Variants in SSH2 observed in about 807,000 individuals in gnomAD.
SSH2 encodes the protein protein phosphatase Slingshot homolog 2.
Under a neutral mutation model 135.2 loss-of-function variants are expected in SSH2, and 37 were observed. The observed-to-expected ratio is 0.27, with a 90% CI of 0.21 to 0.36. The LOEUF is 0.36. SSH2 is among the 10% of genes least tolerant of loss of function. The probability of loss-of-function intolerance (pLI) is 1.00; values close to 1 mark genes in which losing one functional copy is unlikely to be tolerated. For missense variants in SSH2, 1,408 were observed against 1,765.3 expected (o/e 0.80, Z 3.63); for synonymous variants, 628 against 646.2 (o/e 0.97, Z 0.43).
intron 1 of SSH2, among the ~76,000 whole-genome samples, chr17:29,874,583 T>A (rs2065996739): frequency 6.6e-6 from 1 of 152,158 alleles, no homozygotes; most frequent in Non-Finnish European, 1.5e-5. Flanking sequence ...TTCTCCTTCC[T>A]GTCATCTTGT....
chr17:29,696,676 T>G (rs1487905051), intron 4 of SSH2, among the ~76,000 whole-genome samples: 2 of 146,910 alleles, frequency 1.4e-5, no homozygotes, highest in African/African-American at 2.5e-5. Context: ...TACGTACGTG[T>G]GTGTGTGTGT....
intron 3 of SSH2, among the ~76,000 whole-genome samples, chr17:29,737,629 A>T (rs1167608934): frequency 3.9e-5 from 6 of 152,222 alleles, no homozygotes; most frequent in African/African-American, 7.2e-5. Context: ...AAGTCATTTA[A>T]TCTCTTTGAA....
chr17:29,710,488 T>C (rs112143677), intron 3 of SSH2, among the ~76,000 whole-genome samples: 2 of 152,370 alleles, frequency 1.3e-5, no homozygotes, highest in African/African-American at 4.8e-5. Flanking sequence ...AATACTCATC[T>C]AGCAAAAACT....
intron 3 of SSH2, chr17:29,761,147 C>A: frequency 7.8e-7 from 1 of 1,288,992 alleles, no homozygotes; most frequent in Non-Finnish European, 1.0e-6. Flanking sequence ...GCGGCGGACT[C>A]ACAGCTGGTT....
chr17:29,642,258 A>T (rs147949218), intron 14 of SSH2, among the ~76,000 whole-genome samples: 2 of 152,122 alleles, frequency 1.3e-5, no homozygotes, highest in Non-Finnish European at 2.9e-5. Context: ...CAGCAAAGCC[A>T]GGGTAAAAGA....
intron 1 of SSH2, among the ~76,000 whole-genome samples, chr17:29,914,013 G>C (rs1819685246): frequency 6.6e-6 from 1 of 152,114 alleles, no homozygotes; most frequent in Non-Finnish European, 1.5e-5. Context: ...AAGAAAATAA[G>C]GTTGTCATTT....
At position 29,667,243 on chromosome 17, in the gene SSH2, G is replaced by C; in HGVS notation, c.810-20C>G. 2.8e-6 allele frequency: 4 copies of C among 1,426,512 alleles called. No individual in the cohort carries two copies. Among genetic ancestry groups the C allele is most frequent in the Non-Finnish European group, 2.9e-6 (3 of 1,020,982 alleles). The allele number at this position is 1,426,512 out of a possible 1,614,324, so 88.4% of individuals were successfully genotyped here. A position where few individuals can be genotyped will look rare whatever the true frequency, so the allele number is the denominator to read the frequency against. ...GTAGGTCTGAGAAGAGAGAAATAAC[G>C]ATTATTCTTAAACGATATTCTTAAT... On this transcript the variant is annotated intron_variant, in intron 9 of 15. Coordinates refer to ENST00000540801, the MANE Select transcript of SSH2 (RefSeq NM_001282129.2).
At chr17:29,791,969 C>T (rs1481310326) in intron 3 of SSH2, among the ~76,000 whole-genome samples, 1 of 145,554 alleles carries the variant, frequency 6.9e-6, no homozygotes, top group Non-Finnish European at 1.5e-5. Flanking sequence ...GTTGCCCAGA[C>T]TGGAGTGCAG....
At chr17:29,792,077 C>A (rs1030746636) in intron 3 of SSH2, among the ~76,000 whole-genome samples, 1 of 152,010 alleles carries the variant, frequency 6.6e-6, no homozygotes, top group Non-Finnish European at 1.5e-5. Context: ...CATGCACCAC[C>A]ATGCCTGGCT....
chr17:29,684,607 A>T lies in SSH2; in HGVS notation c.435T>A (p.Thr145=), dbSNP rs370550488. ...VVVSTNGRQD[T]EESIVLGMDF... Reference sequence around the variant, plus strand: ...CCATTCCTAGGACGATGCTTTCTTCAGTGTCTTGTCTACCATTAGTTGAAA... The same window carrying T: ...CCATTCCTAGGACGATGCTTTCTTCTGTGTCTTGTCTACCATTAGTTGAAA... Residue 145 remains threonine (T), a synonymous_variant, in exon 6 of 16, where the codon ACT becomes ACA. Coordinates refer to ENST00000540801, the MANE Select transcript of SSH2 (RefSeq NM_001282129.2). 7 of 1,613,600 alleles carry T rather than the reference A, an allele frequency of 4.3e-6. No individual in the cohort carries two copies. In the African/African-American group the frequency reaches 9.3e-5, roughly 22 times the overall value.
chr17:29,787,562 A>G (rs1348647718), intron 3 of SSH2: 3 of 151,966 alleles, frequency 2.0e-5, no homozygotes, highest in Non-Finnish European at 2.9e-5. Flanking sequence ...TCACCATACT[A>G]TTTTCCATTG....
At chr17:29,781,076 G>A (rs2041830099) in intron 3 of SSH2, among the ~76,000 whole-genome samples, 1 of 152,180 alleles carries the variant, frequency 6.6e-6, no homozygotes, top group Non-Finnish European at 1.5e-5. Context: ...CTCCCAAAGT[G>A]CTGGGATTAC....
chr17:29,901,184 C>T (rs989630490), intron 1 of SSH2, among the ~76,000 whole-genome samples: 5 of 151,816 alleles, frequency 3.3e-5, no homozygotes, highest in Admixed American at 6.6e-5. Flanking sequence ...ATGTAAATGA[C>T]GAGTTAATGG....
At chr17:29,761,116 G>T (rs1008818270) in intron 3 of SSH2, 3 of 1,287,258 alleles carry the variant, frequency 2.3e-6, no homozygotes, top group Non-Finnish European at 3.0e-6. Context: ...CTTTCTGAGC[G>T]TTCGCGGAGG....
rs1202318655 is a variant in SSH2, at chr17:29,636,810, G to A, written c.1428-8C>T. ...TTGTTATGCCGCTGTTTGCTGTGGA[G>A]GACATACACAGGAAGTATCTTAATC... On this transcript the variant is annotated splice_polypyrimidine_tract_variant and splice_region_variant and intron_variant, in intron 14 of 15. Coordinates refer to ENST00000540801, the MANE Select transcript of SSH2 (RefSeq NM_001282129.2). The A allele has an allele frequency of 6.4e-7, 1 of 1,568,554 alleles. No individual in the cohort carries two copies. The highest frequency in any genetic ancestry group is 1.4e-5 in the African/African-American group (1 of 73,650).
intron 15 of SSH2, 71 bp downstream of exon 15, chr17:29,635,895 CAT>C (rs2035895543): frequency 8.5e-7 from 1 of 1,169,888 alleles, no homozygotes; most frequent in Admixed American, 2.2e-5. Context: ...CAAAAACAAA[CAT>C]AACATAATCC....
chr17:29,816,212 T>A (rs1458841904), intron 2 of SSH2, among the ~76,000 whole-genome samples: 3 of 152,144 alleles, frequency 2.0e-5, no homozygotes, highest in Admixed American at 6.5e-5. Context: ...GCGGTAGGGA[T>A]TATGGAAGCC....
intron 2 of SSH2, among the ~76,000 whole-genome samples, chr17:29,807,708 C>G (rs2151321853): frequency 2.0e-5 from 3 of 152,192 alleles, no homozygotes; most frequent in Middle Eastern, 6.8e-3. Flanking sequence ...AAACCCAGAG[C>G]TTTCCTTAAG....
intron 1 of SSH2, among the ~76,000 whole-genome samples, chr17:29,865,871 C>T (rs186686799): frequency 2.6e-5 from 4 of 152,034 alleles, no homozygotes; most frequent in African/African-American, 7.2e-5. Context: ...GAGGCTGAGG[C>T]GGGCGGATTA....
Sources: allele counts gnomAD v4.1 joint callset (sites outside exome capture counted in the v4.1 genomes callset), GRCh38; gene constraint gnomAD v4.1.1; transcripts MANE v1.5; gene names NCBI Gene and HGNC (gene_info 2026-07-23, HGNC 2026-07-21).